STK3: variants seen among roughly 807,000 people sequenced by gnomAD.
STK3 encodes serine/threonine-protein kinase 3.
STK3 carries 41 observed loss-of-function variants against 58.0 expected under a neutral mutation model. The ratio of observed to expected loss-of-function variants is 0.71; its 90% CI spans 0.55 to 0.92. STK3 has a LOEUF of 0.92. Ranked by LOEUF, STK3 falls within the 40% of genes least tolerant of loss-of-function variation. The probability of loss-of-function intolerance (pLI) is 0.00; values close to 1 mark genes in which losing one functional copy is unlikely to be tolerated. For missense variants in STK3, 479 were observed against 602.7 expected (o/e 0.79, Z 2.15); for synonymous variants, 170 against 191.0 (o/e 0.89, Z 0.91).
At chr8:98,784,822 T>C (rs1430395696) in intron 1 of STK3, among the ~76,000 whole-genome samples, 1 of 151,964 alleles carries the variant, frequency 6.6e-6, no homozygotes, top group Admixed American at 6.5e-5. Flanking sequence ...TGTGCAGAGA[T>C]TCTGTGCAGG....
chr8:98,639,399 C>T (rs1819849494), intron 6 of STK3, among the ~76,000 whole-genome samples: 1 of 152,170 alleles, frequency 6.6e-6, no homozygotes, highest in African/African-American at 2.4e-5. Flanking sequence ...AGGCATGAGG[C>T]ACCATGCCTG....
rs912793310 is a variant in STK3, at chr8:98,942,312, G to A, written c.-79+66C>T. On this transcript the variant is annotated intron_variant, in intron 1 of 1. Coordinates refer to the STK3 transcript ENST00000519420. ...GCCCATCGAGGCGGCAGGGCCAGCAGGCGGCCTAGGCGCGGCCGGGCCACG... is the reference window on the plus strand; with the variant it reads ...GCCCATCGAGGCGGCAGGGCCAGCAAGCGGCCTAGGCGCGGCCGGGCCACG... 1.6e-4 allele frequency: 24 copies of A among 152,450 alleles called. No individual in the cohort carries two copies. In the East Asian group the frequency reaches 4.5e-3, roughly 28 times the overall value. 9.4% of individuals were successfully genotyped at this position (152,450 alleles called of 1,614,324 possible).
intron 1 of STK3, among the ~76,000 whole-genome samples, chr8:98,776,163 GA>G (rs1034595798): frequency 5.3e-5 from 8 of 151,940 alleles, no homozygotes; most frequent in Non-Finnish European, 1.0e-4. Flanking sequence ...TACAGGATAA[GA>G]ATGCCATGGA....
intron 6 of STK3, among the ~76,000 whole-genome samples, chr8:98,646,381 C>T (rs1019111513): frequency 1.3e-5 from 2 of 152,144 alleles, no homozygotes; most frequent in Non-Finnish European, 2.9e-5. Context: ...ATATTAATAA[C>T]CCACTTATCT....
At chr8:98,477,700 G>GGT (rs1821438810) in intron 10 of STK3, among the ~76,000 whole-genome samples, 1 of 65,062 alleles carries the variant, frequency 1.5e-5, no homozygotes, top group East Asian at 6.1e-4. Flanking sequence ...CATCACACTT[G>GGT]GCGGGGGGGG....
In STK3 at chr8:98,526,886, T is replaced by C. The variant is rs1171243693; in HGVS notation, c.1173A>G (p.Pro391=). The part of the protein sequence containing the change: ...RNATSPQVQR[P]SFMDYFDKQD... ...GCTTATCAAAGTAGTCCATGAAAGA[T>C]GGTCTTTGTACTTGTGGTGAGGTTG... The change falls in exon 10 of 11, where the codon CCA becomes CCG. Residue 391 remains proline (P), a synonymous_variant. Transcript: ENST00000419617. The C allele has an allele frequency of 2.5e-6, 4 of 1,594,982 alleles. No homozygotes were observed. The highest frequency in any genetic ancestry group is 3.4e-5 in the Admixed American group (2 of 58,716).
At chr8:98,809,283 G>A (rs1193371141) in intron 1 of STK3, among the ~76,000 whole-genome samples, 1 of 152,206 alleles carries the variant, frequency 6.6e-6, no homozygotes, top group East Asian at 1.9e-4. Flanking sequence ...CTTGCAACTG[G>A]CATCTGAAGT....
chr8:98,678,111 T>C (rs1337487373), intron 6 of STK3, among the ~76,000 whole-genome samples: 1 of 152,238 alleles, frequency 6.6e-6, no homozygotes, highest in East Asian at 1.9e-4. Context: ...ATTAATTGCA[T>C]GTTTTCTGAT....
intron 6 of STK3, among the ~76,000 whole-genome samples, chr8:98,686,610 T>C (rs767291546): frequency 6.6e-6 from 1 of 152,076 alleles, no homozygotes; most frequent in Non-Finnish European, 1.5e-5. Flanking sequence ...AAATAACAGA[T>C]ACAGAATTCA....
intron 3 of STK3, among the ~76,000 whole-genome samples, chr8:98,402,920 C>T (rs1001455069): frequency 4.6e-5 from 7 of 152,226 alleles, no homozygotes. Flanking sequence ...AGAGAGGAGA[C>T]CCCACAATGG....
chr8:98,935,135 G>T (rs1222862708), intron 1 of STK3, among the ~76,000 whole-genome samples: 1 of 151,586 alleles, frequency 6.6e-6, no homozygotes. Context: ...CTGGTGACTA[G>T]GTTCTGCTTT....
intron 3 of STK3, chr8:98,427,347 G>C (rs1818251138): frequency 6.6e-6 from 1 of 151,976 alleles, no homozygotes. Flanking sequence ...CTTCCAGAAC[G>C]CGCAGGGCGA....
At chr8:98,541,317 G>T (rs1201605602) in intron 9 of STK3, among the ~76,000 whole-genome samples, 1 of 152,054 alleles carries the variant, frequency 6.6e-6, no homozygotes, top group African/African-American at 2.4e-5. Context: ...GTGCTGTCTC[G>T]TGGCTGAGTT....
intron 9 of STK3, among the ~76,000 whole-genome samples, chr8:98,541,459 C>A (rs1471486912): frequency 1.3e-5 from 2 of 152,186 alleles, no homozygotes; most frequent in Non-Finnish European, 2.9e-5. Context: ...GCCTCCCTAG[C>A]CATGCTTCCT....
At chr8:98,744,481 AC>A (rs1227387689) in intron 4 of STK3, among the ~76,000 whole-genome samples, 6 of 150,654 alleles carry the variant, frequency 4.0e-5, no homozygotes, top group African/African-American at 1.5e-4. Context: ...TATCACAAGA[AC>A]CAAAAAACCA....
intron 2 of STK3, among the ~76,000 whole-genome samples, chr8:98,770,637 T>C (rs927866741): frequency 6.6e-6 from 1 of 152,114 alleles, no homozygotes; most frequent in African/African-American, 2.4e-5. Flanking sequence ...AATGGATATA[T>C]ATTATAAGTG....
intron 4 of STK3, among the ~76,000 whole-genome samples, chr8:98,709,437 ACTTCCACACTCATTT>A (rs1470092998): frequency 1.3e-5 from 2 of 152,226 alleles, no homozygotes; most frequent in African/African-American, 2.4e-5. Context: ...AAAAGAGAAC[ACTTCCACACTCATTT>A]TAAGAGGCAT....
In STK3 at chr8:98,903,531, TCTTCTTCTTCTTCTTCTTCTTCTTC is replaced by T. The variant is rs1443290472; in HGVS notation, c.-78-19722_-78-19698del. Among the ~76,000 whole-genome samples the T allele has an allele frequency of 8.0e-3, 245 of 30,788 alleles. 2 individuals are homozygous for T. The highest frequency in any genetic ancestry group is 0.036 in the African/African-American group (200 of 5,612). The allele number at this position is 30,788 out of a possible 152,430, so 20.2% of individuals were successfully genotyped here. A position where few individuals can be genotyped will look rare whatever the true frequency, so the allele number is the denominator to read the frequency against. ...TTCTTCTTCTTCTTCTTCTTCTTCT[TCTTCTTCTTCTTCTTCTTCTTCTTC>T]CTTTTTTTTTTTTTAAGTGGGGCCT... On this transcript the variant is annotated intron_variant, in intron 1 of 1. Coordinates refer to the STK3 transcript ENST00000519420.
chr8:98,749,310 G>C lies in STK3; in HGVS notation c.317C>G (p.Ser106Cys), dbSNP rs1398850890. The change falls in exon 4 of 11, where the codon TCT (serine) becomes TGT (cysteine). Residue 106 changes from serine to cysteine, a missense_variant. Physicochemically the swap from Ser to Cys is moderately radical, Grantham distance 112 (BLOSUM62 -1). Transcript: ENST00000419617. ...WIVMEYCGAGSVSDIIRLRNK... is the reference protein window; with the variant it reads ...WIVMEYCGAGCVSDIIRLRNK... ...TCGTAATCTAATTATGTCTGAGACA[G>C]AGCCAGCGCCACAGTACTCCATAAC... 4 of 1,609,336 alleles carry C rather than the reference G, an allele frequency of 2.5e-6. No individual in the cohort carries two copies. The highest frequency in any genetic ancestry group is 8.5e-7 in the Non-Finnish European group (1 of 1,177,196).
Sources: gnomAD v4.1 joint callset for allele counts (sites outside exome capture counted in the v4.1 genomes callset) on GRCh38, gnomAD v4.1.1 for gene constraint, MANE v1.5 for transcripts, NCBI Gene and HGNC (gene_info 2026-07-23, HGNC 2026-07-21) for gene names.